Variants in PLCB4 observed in about 807,000 individuals in gnomAD.
PLCB4 encodes 1-phosphatidylinositol 4,5-bisphosphate phosphodiesterase beta-4.
PLCB4 carries 77 observed loss-of-function variants against 178.8 expected under a neutral mutation model. The observed-to-expected ratio is 0.43, with a 90% CI of 0.36 to 0.52. The LOEUF is 0.52. Ranked by LOEUF, PLCB4 falls within the 20% of genes least tolerant of loss-of-function variation. The pLI is 0.00. For synonymous variants in PLCB4, 496 were observed against 490.8 expected, an observed-to-expected ratio of 1.01 and a Z score of -0.14; for missense variants, 1,024 against 1,453.4, an observed-to-expected ratio of 0.70 and a Z score of 4.80.
intron 1 of PLCB4, among the ~76,000 whole-genome samples, chr20:9,089,685 T>C (rs1292398930): frequency 6.6e-6 from 1 of 152,208 alleles, no homozygotes. Flanking sequence ...ATATAACTCC[T>C]AAAGCTTTAT....
intron 4 of PLCB4, among the ~76,000 whole-genome samples, chr20:9,316,825 G>T (rs933674430): frequency 1.3e-5 from 2 of 152,112 alleles, no homozygotes; most frequent in African/African-American, 2.4e-5. Context: ...CAACATTCAG[G>T]CCTGTTCCTT....
intron 2 of PLCB4, among the ~76,000 whole-genome samples, chr20:9,161,681 G>T (rs568150569): frequency 1.3e-5 from 2 of 152,192 alleles, no homozygotes; most frequent in Non-Finnish European, 2.9e-5. Context: ...AGCATTGCTT[G>T]TATTGGACTT....
Position 9,457,435 on chromosome 20 carries a change from G to GC in PLCB4, c.3018_3019insC (p.Lys1007GlnfsTer18). On this transcript the variant is annotated frameshift_variant, in exon 34 of 40. Transcript: ENST00000378473. LOFTEE classifies it high-confidence loss of function. ...TCAGGGGAAGTAATTGTCTCGAAAT[G>GC]AAAAAAGAAACAGAAATCAAAATTC... 6.4e-7 allele frequency: 1 copy of GC among 1,551,286 alleles called. No individual in the cohort carries two copies.
At chr20:9,329,079 C>T (rs79467050) in intron 4 of PLCB4, among the ~76,000 whole-genome samples, 1,540 of 152,304 alleles carry the variant, frequency 0.01, 13 homozygotes, top group Middle Eastern at 0.034. Flanking sequence ...TTCTAGCTGG[C>T]TGGTGCCATG....
intron 38 of PLCB4, among the ~76,000 whole-genome samples, chr20:9,474,444 G>A (rs6077544): frequency 0.083 from 12,598 of 152,166 alleles, 680 homozygotes; most frequent in East Asian, 0.3. Context: ...GACTCTCTCA[G>A]TTCAAATGTT....
chr20:9,262,380 C>A (rs2094307054), intron 3 of PLCB4, among the ~76,000 whole-genome samples: 1 of 152,082 alleles, frequency 6.6e-6, no homozygotes, highest in African/African-American at 2.4e-5. Context: ...GCATAGCTCC[C>A]ACCTCCTGGA....
chr20:9,148,103 G>A (rs1178060131), intron 2 of PLCB4, among the ~76,000 whole-genome samples: 1 of 152,148 alleles, frequency 6.6e-6, no homozygotes, highest in Non-Finnish European at 1.5e-5. Flanking sequence ...TTTCATTGAA[G>A]GCTGAAAGGA....
intron 3 of PLCB4, among the ~76,000 whole-genome samples, chr20:9,247,244 G>A (rs2094135167): frequency 6.6e-6 from 1 of 152,148 alleles, no homozygotes; most frequent in African/African-American, 2.4e-5. Flanking sequence ...TTTCATTTTA[G>A]TTCATGAATT....
At chr20:9,426,447 C>T (rs911185821) in intron 28 of PLCB4, among the ~76,000 whole-genome samples, 7 of 152,050 alleles carry the variant, frequency 4.6e-5, no homozygotes, top group Non-Finnish European at 8.8e-5. Flanking sequence ...GACACAATCT[C>T]GGCTCACTGC....
chr20:9,397,820 C>T (rs562318469), intron 19 of PLCB4, among the ~76,000 whole-genome samples: 1 of 152,180 alleles, frequency 6.6e-6, no homozygotes, highest in Non-Finnish European at 1.5e-5. Flanking sequence ...AAACCATCCC[C>T]AAATTTAGGG....
intron 30 of PLCB4, among the ~76,000 whole-genome samples, chr20:9,441,592 T>C (rs2042106341): frequency 6.6e-6 from 1 of 152,156 alleles, no homozygotes; most frequent in South Asian, 2.1e-4. Flanking sequence ...ACCTGGAACT[T>C]AATGCCCTGG....
intron 4 of PLCB4, among the ~76,000 whole-genome samples, chr20:9,309,527 G>C (rs549338132): frequency 4.8e-4 from 73 of 152,256 alleles, no homozygotes; most frequent in Non-Finnish European, 8.2e-4. Context: ...CTTGAAGTCA[G>C]GGATCATATT....
chr20:9,385,893 C>T lies in PLCB4; in HGVS notation c.1064+1482C>T, dbSNP rs574464190. On this transcript the variant is annotated intron_variant, in intron 14 of 39. Transcript: ENST00000378473. ...GCTGTAATCTTAGCACTTCGGGAGG[C>T]CAAGGCAGGCGGCTGGAAGGTGGAG... Among the ~76,000 whole-genome samples the T allele has an allele frequency of 5.3e-5, 8 of 152,290 alleles. No individual in the cohort carries two copies. The East Asian group carries it at 1.5e-3, about 29-fold the overall frequency.
rs151219487 is a variant in PLCB4 at position 9,151,925 on chromosome 20, T to A, written c.-79+55583T>A. On this transcript the variant is annotated intron_variant, in intron 2 of 39. Coordinates refer to ENST00000378473, the MANE Select transcript of PLCB4 (RefSeq NM_001377142.1). ...GACAATAAAATCCAGGCTGAGGTGA[T>A]CTCAGTTGGAGATGAGGAACTTGTT... 7.5e-3 allele frequency among the ~76,000 whole-genome samples: 1,146 copies of A among 152,260 alleles called. 15 individuals carry two copies. Among genetic ancestry groups the A allele is most frequent in the African/African-American group, 0.026 (1,095 of 41,554 alleles).
intron 3 of PLCB4, among the ~76,000 whole-genome samples, chr20:9,218,501 G>C (rs1486328700): frequency 6.6e-6 from 1 of 152,164 alleles, no homozygotes; most frequent in Non-Finnish European, 1.5e-5. Context: ...TAGTAATGGC[G>C]TGAACCAGCA....
chr20:9,083,360 T>G (rs2090248355), intron 1 of PLCB4, among the ~76,000 whole-genome samples: 1 of 129,648 alleles, frequency 7.7e-6, no homozygotes, highest in Non-Finnish European at 1.7e-5. Flanking sequence ...TCTCTTTCTC[T>G]ACACACACAC....
chr20:9,414,640 C>A (rs1347231747), intron 25 of PLCB4, among the ~76,000 whole-genome samples: 3 of 152,168 alleles, frequency 2.0e-5, no homozygotes, highest in African/African-American at 7.2e-5. Context: ...ACGTCAGATA[C>A]CCTCCTGGGA....
chr20:9,258,735 A>G (rs77957904), intron 3 of PLCB4, among the ~76,000 whole-genome samples: 4 of 151,246 alleles, frequency 2.6e-5, no homozygotes, highest in Admixed American at 2.6e-4. Flanking sequence ...AAAAAAAAAA[A>G]AGATAATTTC....
At chr20:9,420,157 T>C (rs1475192939) in intron 26 of PLCB4, among the ~76,000 whole-genome samples, 1 of 151,908 alleles carries the variant, frequency 6.6e-6, no homozygotes, top group Non-Finnish European at 1.5e-5. Flanking sequence ...TTCTAGAAAA[T>C]GCAAATTATA....
Sources: gnomAD v4.1 joint callset for allele counts (sites outside exome capture counted in the v4.1 genomes callset) on GRCh38, gnomAD v4.1.1 for gene constraint, MANE v1.5 for transcripts, NCBI Gene and HGNC (gene_info 2026-07-23, HGNC 2026-07-21) for gene names.